CDH23: variants seen among roughly 807,000 people sequenced by gnomAD.
CDH23 encodes the protein cadherin related 23, also known as cadherin-23.
In CDH23, 189 loss-of-function variants were observed where a neutral mutation model predicts 317.1. The observed-to-expected ratio is 0.60, with a 90% CI of 0.53 to 0.67. The LOEUF (loss-of-function observed/expected upper bound fraction) is 0.67. Among genes scored for constraint, CDH23 ranks in the 30% least tolerant of loss-of-function variants. The pLI, the probability that CDH23 is intolerant of heterozygous loss-of-function variation, is 0.00. For synonymous variants in CDH23, 1,839 were observed against 1,876.8 expected, an observed-to-expected ratio of 0.98 and a Z score of 0.52; for missense variants, 4,401 against 4,592.4, an observed-to-expected ratio of 0.96 and a Z score of 1.20.
intron 3 of CDH23, among the ~76,000 whole-genome samples, chr10:71,489,905 T>A (rs1482186648): frequency 6.6e-6 from 1 of 152,178 alleles, no homozygotes; most frequent in Non-Finnish European, 1.5e-5. Flanking sequence ...AGCACCACGA[T>A]TTCAGAGAGT....
At chr10:71,690,867 C>T (rs1031345754) in intron 20 of CDH23, among the ~76,000 whole-genome samples, 1 of 152,216 alleles carries the variant, frequency 6.6e-6, no homozygotes, top group African/African-American at 2.4e-5. Context: ...GGTTAACACA[C>T]CCCTCTTCAG....
chr10:71,615,080 A>G (rs1237966422), intron 9 of CDH23, among the ~76,000 whole-genome samples: 1 of 152,240 alleles, frequency 6.6e-6, no homozygotes, highest in Non-Finnish European at 1.5e-5. Context: ...GAATGTCACC[A>G]TAAAAATAAG....
chr10:71,710,448 C>A (rs572642069), intron 27 of CDH23, among the ~76,000 whole-genome samples: 10 of 152,244 alleles, frequency 6.6e-5, no homozygotes, highest in Non-Finnish European at 1.2e-4. Flanking sequence ...CCTCACCCCC[C>A]ACCCCAACCT....
At chr10:71,654,804 G>C (rs1236206622) in intron 14 of CDH23, among the ~76,000 whole-genome samples, 1 of 152,162 alleles carries the variant, frequency 6.6e-6, no homozygotes, top group Non-Finnish European at 1.5e-5. Flanking sequence ...GGAGGCCTCT[G>C]GGGGAGGAGT....
At chr10:71,695,360 C>A in intron 21 of CDH23, 58 bp from the exon 22 acceptor site, 1 of 1,240,378 alleles carries the variant, frequency 8.1e-7, no homozygotes, top group Non-Finnish European at 1.2e-6. Context: ...CCCTGGCAGG[C>A]CCTGCCCTGG....
intron 14 of CDH23, among the ~76,000 whole-genome samples, chr10:71,648,554 A>G (rs1402439072): frequency 6.6e-6 from 1 of 152,094 alleles, no homozygotes. Context: ...TTGGAAAGGG[A>G]TGGGGAAAAC....
At chr10:71,791,645 G>A (rs528232700) in intron 47 of CDH23, among the ~76,000 whole-genome samples, 23 of 150,450 alleles carry the variant, frequency 1.5e-4, no homozygotes, top group Non-Finnish European at 2.8e-4. Context: ...GCACAATCTC[G>A]GCTCACTGCA....
chr10:71,669,930 G>A (rs994772866), intron 14 of CDH23, among the ~76,000 whole-genome samples: 2 of 152,182 alleles, frequency 1.3e-5, no homozygotes, highest in Non-Finnish European at 2.9e-5. Context: ...GAACCCGGGA[G>A]GCGGAGGTTG....
chr10:71,603,222 T>A (rs112229055), intron 9 of CDH23, among the ~76,000 whole-genome samples: 2,236 of 152,288 alleles, frequency 0.015, 54 homozygotes, highest in African/African-American at 0.051. Context: ...CCATGGGCTT[T>A]CTTCTCCTTG....
chr10:71,749,876 C>T (rs1427876900), intron 38 of CDH23: 1 of 152,284 alleles, frequency 6.6e-6, no homozygotes, highest in African/African-American at 2.4e-5. Flanking sequence ...CTTTCAGCAC[C>T]CAGGCCCAGC....
intron 9 of CDH23, among the ~76,000 whole-genome samples, chr10:71,605,261 A>G (rs1454433626): frequency 6.6e-6 from 1 of 152,086 alleles, no homozygotes; most frequent in Non-Finnish European, 1.5e-5. Context: ...TTAAAAAAAA[A>G]AAGAAAGACA....
chr10:71,565,832 C>T (rs117992668), intron 6 of CDH23, among the ~76,000 whole-genome samples: 235 of 152,282 alleles, frequency 1.5e-3, no homozygotes, highest in Middle Eastern at 0.01. Flanking sequence ...GGCTGGGATT[C>T]CAACAAATGG....
chr10:71,807,943 G>C lies in CDH23; in HGVS notation c.8658G>C (p.Leu2886=), dbSNP rs377572414. 6.2e-7 allele frequency: 1 copy of C among 1,602,382 alleles called. No individual in the cohort carries two copies. Among genetic ancestry groups the C allele is most frequent in the East Asian group, 2.3e-5 (1 of 44,402 alleles). ...ACAGCCTTGTCTTCTACAGCATTCT[G>C]GCCATCCACTACTTCCGGGCCCTTG... ...GNNSLVFYSI[L]AIHYFRALAN... The change falls in exon 60 of 70, where the codon CTG becomes CTC. Residue 2886 remains leucine (L), a synonymous_variant. Transcript: ENST00000224721.
chr10:71,563,123 T>G (rs976302226), intron 6 of CDH23, among the ~76,000 whole-genome samples: 3 of 152,014 alleles, frequency 2.0e-5, no homozygotes, highest in African/African-American at 7.2e-5. Context: ...GAAAGAGCAC[T>G]CCGTATGAGT....
At position 71,815,639 on chromosome 10, in the gene CDH23, C is replaced by A. The variant is rs115033851; in HGVS notation, c.*361C>A. The A allele has an allele frequency of 3.5e-3, 679 of 192,022 alleles. 7 individuals are homozygous for A. The highest frequency in any genetic ancestry group is 0.023 in the Middle Eastern group (11 of 484). The allele number at this position is 192,022 out of a possible 1,614,324, so 11.9% of individuals were successfully genotyped here. ...CCTCCTCCCTCCCAGCTCCACCCCG[C>A]AAGCACCATCCCCTCCGGCTAAGCA... On this transcript the variant is annotated 3_prime_UTR_variant, in exon 70 of 70. Transcript: ENST00000224721.
intron 68 of CDH23, 93 bp from the exon 69 acceptor site, chr10:71,813,151 T>C: frequency 8.0e-7 from 1 of 1,255,728 alleles, no homozygotes; most frequent in East Asian, 2.5e-5. Context: ...CAGGATCAGA[T>C]GTCCGTGTAC....
At chr10:71,520,926 G>A (rs914830136) in intron 6 of CDH23, among the ~76,000 whole-genome samples, 28 of 152,260 alleles carry the variant, frequency 1.8e-4, no homozygotes, top group African/African-American at 6.7e-4. Flanking sequence ...CTACCAGGAG[G>A]GGGAAAACGA....
chr10:71,647,876 C>T lies in CDH23; in HGVS notation c.1449+1259C>T, dbSNP rs117651579. On this transcript the variant is annotated intron_variant, in intron 14 of 69. Transcript: ENST00000224721. The stretch of plus-strand genomic sequence containing the variant: ...ACACAAGCTCAGAGTCTTGCCCAGT[C>T]GGTGCTCAATAAATGTCACGGAGTT... 33 of 152,314 alleles carry T rather than the reference C, an allele frequency of 2.2e-4. No homozygotes were observed. In the East Asian group the frequency reaches 3.1e-3, roughly 14 times the overall value. The allele number at this position is 152,314 out of a possible 1,614,324, so 9.4% of individuals were successfully genotyped here. A position where few individuals can be genotyped will look rare whatever the true frequency, so the allele number is the denominator to read the frequency against.
rs923330506 is a variant in CDH23, at chr10:71,784,948, C to A, written c.5560C>A (p.Leu1854Met). 1.2e-6 allele frequency: 2 copies of A among 1,614,066 alleles called. No individual in the cohort carries two copies. Among genetic ancestry groups the A allele is most frequent in the Admixed American group, 1.7e-5 (1 of 60,030 alleles). ...CGACAACGACCCTGTGCTGCTGAAC[C>A]TGCCCATGAACATCACCATCAGCGA... ...INDNDPVLLN[L>M]PMNITISENS... Residue 1854 changes from leucine to methionine, a missense_variant, in exon 43 of 70, where the codon CTG becomes ATG. Around this residue, in one of 3 missense-constraint regions of CDH23, gnomAD observed 3,068 missense variants for 3,203.3 expected, o/e 0.96. Transcript: ENST00000224721.
Sources: gnomAD v4.1 joint callset for allele counts (sites outside exome capture counted in the v4.1 genomes callset) on GRCh38, gnomAD v4.1.1 for gene constraint, gnomAD v4.1.1 regional missense constraint, MANE v1.5 for transcripts, NCBI Gene and HGNC (gene_info 2026-07-23, HGNC 2026-07-21) for gene names.